IQCK: variants seen among roughly 807,000 people sequenced by gnomAD.
The protein encoded by IQCK is IQ motif containing K.
In IQCK, 29 loss-of-function variants were observed where a neutral mutation model predicts 28.1. The ratio of observed to expected loss-of-function variants is 1.03; its 90% confidence interval spans 0.77 to 1.41. IQCK has a LOEUF of 1.41. Among genes scored for constraint, IQCK ranks in the 40% most tolerant of loss-of-function variants. The pLI is 0.00. For missense variants in IQCK, 359 were observed against 314.7 expected, an observed-to-expected ratio of 1.14 and a Z score of -1.07; for synonymous variants, 113 against 115.1, an observed-to-expected ratio of 0.98 and a Z score of 0.12.
chr16:19,760,448 C>T (rs920819884), intron 4 of IQCK, among the ~76,000 whole-genome samples: 4 of 152,160 alleles, frequency 2.6e-5, no homozygotes, highest in Non-Finnish European at 5.9e-5. Flanking sequence ...AATAGAGCCC[C>T]AAATTTGTTC....
At chr16:19,842,380 T>C (rs2056371766) in intron 9 of IQCK, among the ~76,000 whole-genome samples, 1 of 152,246 alleles carries the variant, frequency 6.6e-6, no homozygotes, top group African/African-American at 2.4e-5. Context: ...AGTTTAAATA[T>C]ATGAAAACCA....
intron 9 of IQCK, among the ~76,000 whole-genome samples, chr16:19,841,324 G>A (rs764949212): frequency 1.4e-4 from 22 of 152,274 alleles, no homozygotes; most frequent in Non-Finnish European, 3.1e-4. Flanking sequence ...GAGCCCTACT[G>A]TTGCCACGTG....
intron 9 of IQCK, among the ~76,000 whole-genome samples, chr16:19,854,221 G>A (rs764079808): frequency 6.6e-6 from 1 of 152,222 alleles, no homozygotes; most frequent in Non-Finnish European, 1.5e-5. Context: ...AGCAGCCAGG[G>A]TAGAAAACCA....
chr16:19,827,236 G>A (rs1004344056), downstream of IQCK: 12 of 796,046 alleles, frequency 1.5e-5, no homozygotes, highest in Admixed American at 1.3e-4. Context: ...TAAGGTCCTT[G>A]TCTGCATGGA....
At chr16:19,812,708 A>T (rs532200342) in intron 7 of IQCK, among the ~76,000 whole-genome samples, 3 of 152,356 alleles carry the variant, frequency 2.0e-5, no homozygotes, top group Admixed American at 2.0e-4. Context: ...GTCAGTAGAT[A>T]CAATCAACTG....
At chr16:19,735,281 A>G (rs1977975470) in intron 3 of IQCK, 72 bp from the exon 4 acceptor site, 1 of 1,037,356 alleles carries the variant, frequency 9.6e-7, no homozygotes, top group East Asian at 2.4e-5. Context: ...CTGGCTCAAA[A>G]GTAAACATTT....
Position 19,817,970 on chromosome 16 carries a change from C to T in IQCK, c.691-9056C>T, listed in dbSNP as rs147742938. Among the ~76,000 whole-genome samples the T allele has an allele frequency of 1.0e-3, 157 of 152,198 alleles. 1 individual carries two copies. Among genetic ancestry groups the T allele is most frequent in the Non-Finnish European group, 1.9e-3 (128 of 67,998 alleles). On this transcript the variant is annotated intron_variant, in intron 7 of 7. Transcript: ENST00000564186. ...CCTTCCTTTAATGATTCAGAAGATC[C>T]GTTGGGTTTATTCTCATGAAGGTTA...
intron 4 of IQCK, among the ~76,000 whole-genome samples, chr16:19,759,443 A>G (rs1007513582): frequency 5.9e-5 from 9 of 152,192 alleles, no homozygotes; most frequent in Admixed American, 6.5e-5. Flanking sequence ...TCCTGACCTC[A>G]GGTGATCCGC....
At chr16:19,817,846 A>G (rs892324451) in intron 7 of IQCK, among the ~76,000 whole-genome samples, 11 of 152,224 alleles carry the variant, frequency 7.2e-5, no homozygotes, top group African/African-American at 2.7e-4. Context: ...CTGATGACGA[A>G]CCCACCTTGT....
intron 4 of IQCK, among the ~76,000 whole-genome samples, chr16:19,755,744 T>C (rs1036879697): frequency 2.0e-5 from 3 of 152,234 alleles, no homozygotes; most frequent in African/African-American, 7.2e-5. Flanking sequence ...CTTTTACCTT[T>C]ACTGTGTCAC....
chr16:19,774,874 A>C (rs1371478261), intron 6 of IQCK, among the ~76,000 whole-genome samples: 1 of 152,208 alleles, frequency 6.6e-6, no homozygotes, highest in African/African-American at 2.4e-5. Context: ...TAATTCAATG[A>C]TATGCTTTTG....
chr16:19,807,437 A>G (rs2055848300), intron 7 of IQCK, among the ~76,000 whole-genome samples: 1 of 152,240 alleles, frequency 6.6e-6, no homozygotes, highest in Non-Finnish European at 1.5e-5. Flanking sequence ...TTGTAAGAGG[A>G]TAAAAGTAGA....
intron 9 of IQCK, among the ~76,000 whole-genome samples, chr16:19,854,111 C>G (rs2056522838): frequency 6.6e-6 from 1 of 152,254 alleles, no homozygotes; most frequent in South Asian, 2.1e-4. Flanking sequence ...GGAGCTTTAC[C>G]TAGCTACTGA....
chr16:19,772,299 T>C (rs1412713633), intron 6 of IQCK, among the ~76,000 whole-genome samples: 1 of 152,180 alleles, frequency 6.6e-6, no homozygotes, highest in Non-Finnish European at 1.5e-5. Flanking sequence ...TCAGAAACAC[T>C]AAGATGAGGG....
intron 4 of IQCK, among the ~76,000 whole-genome samples, chr16:19,762,787 G>T (rs1468160966): frequency 2.0e-5 from 3 of 152,140 alleles, no homozygotes; most frequent in African/African-American, 7.2e-5. Flanking sequence ...GGCCAAGGCA[G>T]GGCAGACTGC....
In IQCK at chr16:19,718,772, C is replaced by T. The variant is rs180987825; in HGVS notation, c.181+285C>T. On this transcript the variant is annotated intron_variant, in intron 1 of 7. Coordinates refer to ENST00000564186, the Ensembl canonical transcript of IQCK. The stretch of plus-strand genomic sequence containing the variant: ...AACCATGCGGTGTGGACCATTGGTT[C>T]TTAAACCTCGGTTAGTGAACCGAAA... 2.0e-3 allele frequency among the ~76,000 whole-genome samples: 295 copies of T among 150,658 alleles called. 2 individuals are homozygous for T. The highest frequency in any genetic ancestry group is 6.3e-3 in the African/African-American group (261 of 41,328).
At chr16:19,741,755 G>T (rs118002018) in intron 4 of IQCK, among the ~76,000 whole-genome samples, 7,506 of 152,256 alleles carry the variant, frequency 0.049, 229 homozygotes, top group Non-Finnish European at 0.077. Context: ...GAGAGGCCGA[G>T]GCGGGAGGAT....
intron 6 of IQCK, among the ~76,000 whole-genome samples, chr16:19,768,084 A>G (rs1041633522): frequency 1.3e-5 from 2 of 148,972 alleles, no homozygotes; most frequent in Non-Finnish European, 3.0e-5. Flanking sequence ...TTATCCATCC[A>G]TAGGACAGAA....
intron 9 of IQCK, among the ~76,000 whole-genome samples, chr16:19,846,372 C>G (rs902280116): frequency 2.0e-5 from 3 of 152,268 alleles, no homozygotes; most frequent in Middle Eastern, 3.4e-3. Context: ...GTCAATACCT[C>G]AGTTTTCACC....
Sources: allele counts gnomAD v4.1 joint callset (sites outside exome capture counted in the v4.1 genomes callset), GRCh38; gene constraint gnomAD v4.1.1; transcripts MANE v1.5; gene names NCBI Gene and HGNC (gene_info 2026-07-23, HGNC 2026-07-21).